EDEM3: variants seen among roughly 807,000 people sequenced by gnomAD.
EDEM3 encodes the protein ER degradation-enhancing alpha-mannosidase-like protein 3.
Under a neutral mutation model 110.2 loss-of-function variants are expected in EDEM3, and 60 were observed. That is an observed-to-expected ratio of 0.54 (90% CI 0.44 to 0.67). EDEM3 has a LOEUF of 0.67. Ranked by LOEUF, EDEM3 falls within the 30% of genes least tolerant of loss-of-function variation. The pLI is 0.00. For missense variants in EDEM3, 996 were observed against 1,121.0 expected (o/e 0.89, Z 1.59); for synonymous variants, 352 against 382.9 (o/e 0.92, Z 0.94).
chr1:184,744,045 T>C (rs1224122565), intron 2 of EDEM3, among the ~76,000 whole-genome samples: 1 of 151,464 alleles, frequency 6.6e-6, no homozygotes, highest in East Asian at 1.9e-4. Flanking sequence ...TTAGGTAGGC[T>C]ATAAAAGGCA....
chr1:184,717,135 C>T, intron 12 of EDEM3, 123 bp from the exon 13 acceptor site: 1 of 696,578 alleles, frequency 1.4e-6, no homozygotes, highest in East Asian at 3.0e-5. Context: ...CACTGAAGGA[C>T]ATTATATAGA....
At position 184,732,866 on chromosome 1, in the gene EDEM3, T is replaced by G. The variant is rs757529410; in HGVS notation, c.583A>C (p.Asn195His). The G allele has an allele frequency of 2.5e-6, 4 of 1,613,862 alleles. No individual in the cohort carries two copies. The highest frequency in any genetic ancestry group is 3.4e-6 in the Non-Finnish European group (4 of 1,179,818). Reference protein sequence around the residue: ...QLGYKLLPAFNTTSGLPYPRI... With the variant: ...QLGYKLLPAFHTTSGLPYPRI... ...GGATAAGGAAGGCCACTGGTAGTGT[T>G]GAAAGCCGGTAAAAGTTTGTAACCT... is the stretch of plus-strand genomic sequence containing the variant. The change falls in exon 6 of 20, where the codon AAC (asparagine) becomes CAC (histidine). Residue 195 changes from asparagine to histidine, a missense_variant. Asn to His is a moderately conservative substitution (Grantham distance 68). This residue lies in a region of EDEM3 where 310 missense variants were observed against 394.6 expected (regional missense o/e 0.79). Transcript: ENST00000318130.
chr1:184,744,680 G>A (rs1228273202), intron 2 of EDEM3, among the ~76,000 whole-genome samples: 1 of 151,980 alleles, frequency 6.6e-6, no homozygotes, highest in African/African-American at 2.4e-5. Context: ...ATTAAATGGT[G>A]AATGGACAAA....
At chr1:184,733,199 C>A (rs1651625569) in intron 5 of EDEM3, among the ~76,000 whole-genome samples, 1 of 152,056 alleles carries the variant, frequency 6.6e-6, no homozygotes, top group African/African-American at 2.4e-5. Context: ...GATATTCTAT[C>A]CTGTTGTGAA....
At chr1:184,751,469 T>G (rs1177617911) in intron 1 of EDEM3, among the ~76,000 whole-genome samples, 1 of 152,212 alleles carries the variant, frequency 6.6e-6, no homozygotes, top group Non-Finnish European at 1.5e-5. Flanking sequence ...AAATCATGAT[T>G]GCATACAAGG....
intron 1 of EDEM3, among the ~76,000 whole-genome samples, chr1:184,751,097 CATT>C (rs1282316816): frequency 3.9e-5 from 3 of 77,074 alleles, no homozygotes; most frequent in African/African-American, 8.5e-5. Flanking sequence ...AAAAACATTT[CATT>C]ATTTAAAAAA....
At chr1:184,706,879 T>C in intron 17 of EDEM3, 71 bp from the exon 18 acceptor site, 5 of 1,478,010 alleles carry the variant, frequency 3.4e-6, no homozygotes, top group East Asian at 2.4e-5. Context: ...AACCTCAATA[T>C]CTAGAGTTTT....
chr1:184,743,429 G>C (rs947406458), intron 2 of EDEM3, among the ~76,000 whole-genome samples: 32 of 152,078 alleles, frequency 2.1e-4, no homozygotes, highest in Non-Finnish European at 4.4e-5. Flanking sequence ...CAGATGATGA[G>C]AGTCCTATAT....
intron 9 of EDEM3, 104 bp downstream of exon 9, chr1:184,721,185 C>A: frequency 2.2e-6 from 2 of 902,766 alleles, no homozygotes; most frequent in Admixed American, 2.9e-5. Flanking sequence ...AACCACTACA[C>A]ATTTTAAAAA....
At chr1:184,728,261 A>G (rs969032334) in intron 6 of EDEM3, among the ~76,000 whole-genome samples, 1 of 152,246 alleles carries the variant, frequency 6.6e-6, no homozygotes, top group Non-Finnish European at 1.5e-5. Context: ...AATGGAAGCC[A>G]CAAGTGCTAA....
chr1:184,745,759 G>A (rs547438225), intron 2 of EDEM3, among the ~76,000 whole-genome samples: 7 of 152,178 alleles, frequency 4.6e-5, no homozygotes, highest in African/African-American at 1.7e-4. Context: ...TTCTACTAAA[G>A]GAAATTGTGC....
At chr1:184,749,459 T>C (rs1033287144) in intron 2 of EDEM3, 88 bp downstream of exon 2, 2 of 1,019,622 alleles carry the variant, frequency 2.0e-6, no homozygotes, top group African/African-American at 3.4e-5. Context: ...AATGTAATTG[T>C]ATTGTAGGTT....
intron 19 of EDEM3, among the ~76,000 whole-genome samples, chr1:184,697,818 A>G (rs1649405705): frequency 6.6e-6 from 1 of 151,782 alleles, no homozygotes; most frequent in Admixed American, 6.6e-5. Flanking sequence ...AGGAATTAAT[A>G]TTTCTGATTA....
At chr1:184,710,343 C>A in intron 16 of EDEM3, 51 bp downstream of exon 16, 1 of 1,580,762 alleles carries the variant, frequency 6.3e-7, no homozygotes, top group Non-Finnish European at 8.6e-7. Context: ...GCTAATGCGA[C>A]CAAAGAAAGC....
rs750326211 is a variant in EDEM3 at position 184,711,852 on chromosome 1, TC to T, written c.1561del (p.Asp521ThrfsTer29). On this transcript the variant is annotated frameshift_variant, in exon 15 of 20. Transcript: ENST00000318130. LOFTEE classifies it high-confidence loss of function. ...NTTSEYTELD[D>X]SNFDWTCPNT... ...TGGACAAGTCCAATCGAAGTTACTG[TC>T]ATCCAGTTCTGTATATTCCGAGGTC... The T allele has an allele frequency of 5.0e-6, 8 of 1,612,554 alleles. No homozygotes were observed. Among genetic ancestry groups the T allele is most frequent in the Non-Finnish European group, 6.8e-6 (8 of 1,179,270 alleles).
chr1:184,732,723 G>T, intron 6 of EDEM3, 114 bp downstream of exon 6: 2 of 1,049,642 alleles, frequency 1.9e-6, no homozygotes, highest in Non-Finnish European at 1.3e-6. Flanking sequence ...TAGCTTTGAA[G>T]CATTTTTTTT....
rs34429442 is a variant in EDEM3, at chr1:184,747,020, C to CAA, written c.204+2525_204+2526dup. ...AAAGATATATCACAATGATCAAATG[C>CAA]AAAAAAAAAAAAACATTATTTTACT... On this transcript the variant is annotated intron_variant, in intron 2 of 19. Transcript: ENST00000318130. Among the ~76,000 whole-genome samples the CAA allele has an allele frequency of 6.4e-3, 852 of 132,878 alleles. 3 individuals carry two copies. Among genetic ancestry groups the CAA allele is most frequent in the Non-Finnish European group, 7.5e-3 (453 of 60,484 alleles). 87.2% of individuals were successfully genotyped at this position (132,878 alleles called of 152,430 possible). A position where few individuals can be genotyped will look rare whatever the true frequency, so the allele number is the denominator to read the frequency against.
intron 19 of EDEM3, among the ~76,000 whole-genome samples, chr1:184,700,994 T>A (rs1168755414): frequency 1.3e-5 from 2 of 151,994 alleles, no homozygotes; most frequent in South Asian, 4.2e-4. Context: ...TCAAAAAATA[T>A]CTTTTAAATA....
intron 15 of EDEM3, 100 bp downstream of exon 15, chr1:184,711,623 T>C (rs2102072621): frequency 9.0e-7 from 1 of 1,113,114 alleles, no homozygotes; most frequent in Non-Finnish European, 1.2e-6. Context: ...TTTCGGCCTA[T>C]GTGAATGTCT....
Sources: gnomAD v4.1 joint callset for allele counts (sites outside exome capture counted in the v4.1 genomes callset) on GRCh38, gnomAD v4.1.1 for gene constraint, gnomAD v4.1.1 regional missense constraint, MANE v1.5 for transcripts, NCBI Gene and HGNC (gene_info 2026-07-23, HGNC 2026-07-21) for gene names.